MTUS2: variants seen among roughly 807,000 people sequenced by gnomAD.
MTUS2 encodes microtubule-associated tumor suppressor candidate 2.
MTUS2 carries 40 observed loss-of-function variants against 114.1 expected under a neutral mutation model. The observed-to-expected ratio is 0.35, with a 90% CI of 0.27 to 0.46. The LOEUF (loss-of-function observed/expected upper bound fraction) is 0.46, where lower values mean the gene tolerates loss of function less well. MTUS2 is among the 20% of genes least tolerant of loss of function. MTUS2 has a pLI of 1.00. For synonymous variants in MTUS2, 688 were observed against 672.0 expected (o/e 1.02, Z -0.37); for missense variants, 1,679 against 1,705.4 (o/e 0.98, Z 0.27).
chr13:28,896,328 C>T lies in MTUS2; in HGVS notation c.-243+56478C>T, dbSNP rs368718020. On this transcript the variant is annotated intron_variant, in intron 2 of 15. Transcript: ENST00000612955. ...TGCTTCAAAGAGAATAAAATACCTA[C>T]GAATCCAACTTACAAGGGACGTGAA... Among the ~76,000 whole-genome samples, 26 of 152,166 alleles carry T rather than the reference C, an allele frequency of 1.7e-4. No homozygotes were observed. In the East Asian group the frequency reaches 2.3e-3, roughly 14 times the overall value.
chr13:29,057,150 C>T (rs553014400), intron 4 of MTUS2, among the ~76,000 whole-genome samples: 69 of 151,932 alleles, frequency 4.5e-4, no homozygotes, highest in Middle Eastern at 3.4e-3. Context: ...TATTGTGCTG[C>T]GGCCTAAGAG....
At chr13:29,161,758 CT>C (rs1183845952) in intron 5 of MTUS2, among the ~76,000 whole-genome samples, 1 of 152,222 alleles carries the variant, frequency 6.6e-6, no homozygotes, top group Non-Finnish European at 1.5e-5. Flanking sequence ...TTCTCAGCCC[CT>C]GCTCCCTGAC....
chr13:29,484,153 G>C (rs527289817), intron 10 of MTUS2: 1 of 152,376 alleles, frequency 6.6e-6, no homozygotes, highest in South Asian at 2.1e-4. Flanking sequence ...AGCCTTTGGA[G>C]TTTAAATTTG....
intron 2 of MTUS2, among the ~76,000 whole-genome samples, chr13:28,900,117 A>C (rs1299592673): frequency 1.3e-5 from 2 of 151,894 alleles, no homozygotes; most frequent in African/African-American, 4.8e-5. Flanking sequence ...CGAACTCCTA[A>C]CCTCAAGTGA....
chr13:29,459,941 G>C (rs1330486049), intron 9 of MTUS2, among the ~76,000 whole-genome samples: 4 of 152,038 alleles, frequency 2.6e-5, no homozygotes, highest in African/African-American at 9.7e-5. Flanking sequence ...ACCTCCCCAG[G>C]CTTCCTGGAA....
At chr13:28,860,260 C>T (rs1876885882) in intron 2 of MTUS2, among the ~76,000 whole-genome samples, 1 of 152,084 alleles carries the variant, frequency 6.6e-6, no homozygotes, top group South Asian at 2.1e-4. Flanking sequence ...GACTCAATTG[C>T]TAGAGGAGAA....
chr13:29,194,027 A>G (rs576053111), intron 5 of MTUS2, among the ~76,000 whole-genome samples: 18 of 151,610 alleles, frequency 1.2e-4, no homozygotes, highest in South Asian at 8.4e-4. Flanking sequence ...GTGCTGGGAA[A>G]ACTGGCTAGC....
At chr13:29,357,140 A>G (rs117377918) in intron 7 of MTUS2, among the ~76,000 whole-genome samples, 2,683 of 152,164 alleles carry the variant, frequency 0.018, 42 homozygotes, top group Non-Finnish European at 0.029. Context: ...ATCCTTTTAT[A>G]TTCTCCATTT....
At chr13:29,194,143 A>G (rs1200801920) in intron 5 of MTUS2, among the ~76,000 whole-genome samples, 2 of 151,282 alleles carry the variant, frequency 1.3e-5, no homozygotes, top group Non-Finnish European at 3.0e-5. Context: ...TAAAAACCCT[A>G]GAAGAAAACC....
At chr13:28,906,554 G>A (rs566802737) in intron 2 of MTUS2, among the ~76,000 whole-genome samples, 3 of 151,608 alleles carry the variant, frequency 2.0e-5, no homozygotes, top group African/African-American at 4.9e-5. Flanking sequence ...TTTCCATATA[G>A]TTGAGCAGTT....
intron 5 of MTUS2, among the ~76,000 whole-genome samples, chr13:29,174,035 A>G (rs1017549567): frequency 6.6e-6 from 1 of 152,158 alleles, no homozygotes; most frequent in Non-Finnish European, 1.5e-5. Context: ...TTGTGCTTGC[A>G]AAGGGAGTCT....
At chr13:29,103,680 T>C (rs930992086) in intron 5 of MTUS2, among the ~76,000 whole-genome samples, 2 of 152,208 alleles carry the variant, frequency 1.3e-5, no homozygotes, top group Non-Finnish European at 2.9e-5. Context: ...TGTGTTGTGC[T>C]ATGACATTAC....
chr13:29,046,268 A>G (rs2475544), intron 4 of MTUS2, among the ~76,000 whole-genome samples: 145,072 of 151,986 alleles, frequency 0.95, 69,349 homozygotes, highest in South Asian at 0.98. Flanking sequence ...GTGCACCACC[A>G]TACCTGGCTA....
intron 2 of MTUS2, among the ~76,000 whole-genome samples, chr13:28,889,969 T>A (rs1435422449): frequency 6.6e-6 from 1 of 152,192 alleles, no homozygotes; most frequent in Admixed American, 6.5e-5. Context: ...CTTGGCTACA[T>A]TTGTCCACAC....
intron 4 of MTUS2, among the ~76,000 whole-genome samples, chr13:29,091,495 C>A (rs2138778785): frequency 1.2e-5 from 1 of 80,374 alleles, no homozygotes; most frequent in African/African-American, 3.8e-5. Context: ...GCCTTTGTTT[C>A]TTTTTCCTTT....
chr13:28,858,118 A>G (rs997452732), intron 2 of MTUS2, among the ~76,000 whole-genome samples: 7 of 152,216 alleles, frequency 4.6e-5, no homozygotes, highest in African/African-American at 1.7e-4. Flanking sequence ...CCTTTCCCTT[A>G]GAGGCTAGGT....
At chr13:29,327,036 C>A (rs2138034478) in intron 7 of MTUS2, among the ~76,000 whole-genome samples, 1 of 152,032 alleles carries the variant, frequency 6.6e-6, no homozygotes, top group Non-Finnish European at 1.5e-5. Context: ...ACTGTGTTCC[C>A]TTATTAAACA....
chr13:29,388,289 G>A (rs1872768938), intron 8 of MTUS2, among the ~76,000 whole-genome samples: 1 of 152,024 alleles, frequency 6.6e-6, no homozygotes, highest in African/African-American at 2.4e-5. Context: ...ATGGAGTCGG[G>A]GAGGTTGGCT....
Position 29,024,587 on chromosome 13 carries a change from C to A in MTUS2, c.-112C>A. 1 of 1,314,790 alleles carries A rather than the reference C, an allele frequency of 7.6e-7. No individual in the cohort carries two copies. Among genetic ancestry groups the A allele is most frequent in the Non-Finnish European group, 1.1e-6 (1 of 947,340 alleles). The allele number at this position is 1,314,790 out of a possible 1,614,324, so 81.4% of individuals were successfully genotyped here. On this transcript the variant is annotated 5_prime_UTR_variant, in exon 3 of 16. Transcript: ENST00000612955. Reference sequence around the variant, plus strand: ...AAGCAGTGTCGCAAGGTGACATTGTCAGGGGAGAACAAGCAGCTTGAGAAT... The same window carrying A: ...AAGCAGTGTCGCAAGGTGACATTGTAAGGGGAGAACAAGCAGCTTGAGAAT...
Sources: gnomAD v4.1 joint callset for allele counts (sites outside exome capture counted in the v4.1 genomes callset) on GRCh38, gnomAD v4.1.1 for gene constraint, MANE v1.5 for transcripts, NCBI Gene and HGNC (gene_info 2026-07-23, HGNC 2026-07-21) for gene names.